Variants in IFT80 observed in about 807,000 individuals in gnomAD.
IFT80 encodes intraflagellar transport 80, also known as intraflagellar transport protein 80 homolog.
Under a neutral mutation model 107.9 loss-of-function variants are expected in IFT80, and 79 were observed. That is an observed-to-expected ratio of 0.73 (90% CI 0.61 to 0.88). The LOEUF is 0.88. Ranked by LOEUF, IFT80 falls within the 40% of genes least tolerant of loss-of-function variation. The pLI is 0.00. For missense variants in IFT80, 797 were observed against 914.2 expected, an observed-to-expected ratio of 0.87 and a Z score of 1.65; for synonymous variants, 299 against 300.9, an observed-to-expected ratio of 0.99 and a Z score of 0.07.
At chr3:160,313,500 C>T (rs1328588422) in intron 9 of IFT80, among the ~76,000 whole-genome samples, 1 of 151,890 alleles carries the variant, frequency 6.6e-6, no homozygotes, top group Non-Finnish European at 1.5e-5. Flanking sequence ...TTGAACCAAA[C>T]CAGAATAAAG....
At chr3:160,371,615 G>C (rs1206950347) in intron 5 of IFT80, among the ~76,000 whole-genome samples, 1 of 151,970 alleles carries the variant, frequency 6.6e-6, no homozygotes, top group Non-Finnish European at 1.5e-5. Context: ...GCTAACTTTT[G>C]TATTTTTTGT....
intron 12 of IFT80, among the ~76,000 whole-genome samples, chr3:160,300,254 G>C (rs1221062748): frequency 6.6e-6 from 1 of 152,000 alleles, no homozygotes; most frequent in Non-Finnish European, 1.5e-5. Context: ...TGAACTTCTA[G>C]ACAAGTAGTT....
chr3:160,332,383 T>C (rs1719151789), intron 8 of IFT80, among the ~76,000 whole-genome samples: 1 of 152,054 alleles, frequency 6.6e-6, no homozygotes, highest in African/African-American at 2.4e-5. Context: ...GGTGGAGGCT[T>C]TTATTGGTGT....
chr3:160,372,311 C>T (rs1711588869), intron 5 of IFT80, among the ~76,000 whole-genome samples: 1 of 152,180 alleles, frequency 6.6e-6, no homozygotes, highest in African/African-American at 2.4e-5. Flanking sequence ...CTTGCACCCC[C>T]AGCTGCCTTG....
At chr3:160,261,820 G>A (rs1271243046) in intron 19 of IFT80, among the ~76,000 whole-genome samples, 2 of 150,572 alleles carry the variant, frequency 1.3e-5, no homozygotes, top group Non-Finnish European at 3.0e-5. Context: ...AAAAAAAAAG[G>A]GGGACCTGAA....
intron 8 of IFT80, among the ~76,000 whole-genome samples, chr3:160,353,584 C>T (rs1377868877): frequency 6.6e-6 from 1 of 152,158 alleles, no homozygotes; most frequent in Non-Finnish European, 1.5e-5. Flanking sequence ...TTTCTTTTGC[C>T]TGTAACTCTC....
At chr3:160,354,506 A>C (rs895636739) in intron 8 of IFT80, among the ~76,000 whole-genome samples, 11 of 152,004 alleles carry the variant, frequency 7.2e-5, no homozygotes, top group Non-Finnish European at 1.6e-4. Context: ...CAAAAAAACT[A>C]GCCGGGCGTG....
intron 15 of IFT80, 88 bp downstream of exon 15, chr3:160,280,579 T>G (rs1477912031): frequency 8.9e-7 from 1 of 1,123,876 alleles, no homozygotes; most frequent in East Asian, 2.4e-5. Flanking sequence ...GTAAAACACC[T>G]TGCAGGATTG....
At chr3:160,374,578 G>T (rs569389042) in intron 5 of IFT80, among the ~76,000 whole-genome samples, 143 of 152,282 alleles carry the variant, frequency 9.4e-4, no homozygotes, top group Non-Finnish European at 1.6e-3. Flanking sequence ...GCTGCACACT[G>T]TCTCAGTAGT....
rs568439807 is a variant in IFT80 at position 160,384,907 on chromosome 3, T to C, written c.-46-261A>G. Among the ~76,000 whole-genome samples, 9 of 152,302 alleles carry C rather than the reference T, an allele frequency of 5.9e-5. No individual in the cohort carries two copies. In the East Asian group the frequency reaches 1.7e-3, roughly 29 times the overall value. On this transcript the variant is annotated intron_variant, in intron 1 of 19. Coordinates refer to ENST00000326448, the MANE Select transcript of IFT80 (RefSeq NM_020800.3). The stretch of plus-strand genomic sequence containing the variant: ...GCAGAACACCACTAGGTAAATCTGG[T>C]CAGGTAAAGAATTTCCATGTCCTGA...
chr3:160,263,260 A>AT (rs1189274606), intron 19 of IFT80, among the ~76,000 whole-genome samples: 1 of 152,044 alleles, frequency 6.6e-6, no homozygotes, highest in Non-Finnish European at 1.5e-5. Flanking sequence ...TACTTCTAAA[A>AT]TTTTTCTTAA....
Position 160,342,132 on chromosome 3 carries a change from C to G in IFT80, c.777+13881G>C, listed in dbSNP as rs146217910. 1.9e-4 allele frequency among the ~76,000 whole-genome samples: 29 copies of G among 152,178 alleles called. No individual in the cohort carries two copies. The East Asian group carries it at 4.6e-3, about 24-fold the overall frequency. On this transcript the variant is annotated intron_variant, in intron 8 of 19. Transcript: ENST00000326448. The stretch of plus-strand genomic sequence containing the variant: ...GGAAGCAAGCAGGATGTCCGATGCC[C>G]ATGGAAAAGGTATCATAGAATCGTG...
At chr3:160,285,984 G>A (rs1715059836) in intron 12 of IFT80, 116 bp from the exon 13 acceptor site, 1 of 660,268 alleles carries the variant, frequency 1.5e-6, no homozygotes, top group African/African-American at 1.8e-5. Context: ...ACCACAGAGA[G>A]AGCAGCAGCA....
intron 12 of IFT80, among the ~76,000 whole-genome samples, chr3:160,289,505 T>C (rs538796838): frequency 3.3e-4 from 50 of 152,124 alleles, no homozygotes; most frequent in African/African-American, 1.2e-3. Context: ...AAGCAAACGC[T>C]GATGGGGGTA....
intron 12 of IFT80, among the ~76,000 whole-genome samples, chr3:160,289,916 A>C (rs929885183): frequency 1.3e-5 from 2 of 152,078 alleles, no homozygotes; most frequent in African/African-American, 2.4e-5. Flanking sequence ...TTGGTCCAAA[A>C]CCCCCTGGTG....
intron 10 of IFT80, among the ~76,000 whole-genome samples, chr3:160,305,541 A>C (rs1189074976): frequency 6.6e-6 from 1 of 152,170 alleles, no homozygotes; most frequent in Non-Finnish European, 1.5e-5. Context: ...TGATTATGTG[A>C]GGGTTTAATA....
At chr3:160,333,012 T>C (rs1260366525) in intron 8 of IFT80, among the ~76,000 whole-genome samples, 2 of 152,168 alleles carry the variant, frequency 1.3e-5, no homozygotes, top group Non-Finnish European at 2.9e-5. Context: ...ATATAGATAA[T>C]ATAGCATCTA....
intron 16 of IFT80, among the ~76,000 whole-genome samples, chr3:160,278,053 A>C (rs1033178608): frequency 2.6e-5 from 4 of 152,216 alleles, no homozygotes; most frequent in African/African-American, 9.6e-5. Flanking sequence ...TATACCAGTT[A>C]AGAAGAAATT....
rs1281270349 is a variant in IFT80, at chr3:160,268,512, G to A, written c.2124C>T (p.Tyr708=). 1 of 1,613,196 alleles carries A rather than the reference G, an allele frequency of 6.2e-7. No homozygotes were observed. The highest frequency in any genetic ancestry group is 8.5e-7 in the Non-Finnish European group (1 of 1,179,396). The change falls in exon 19 of 20, where the codon TAC becomes TAT. Residue 708 remains tyrosine (Y), a synonymous_variant. Coordinates refer to ENST00000326448, the MANE Select transcript of IFT80 (RefSeq NM_020800.3). ...WERALELAVK[Y]KTHVDTVLAY... ...CAAGAACTGTATCAACATGTGTTTTGTATTTTACAGCCAATTCCAGTGCCC... is the reference window on the plus strand; with the variant it reads ...CAAGAACTGTATCAACATGTGTTTTATATTTTACAGCCAATTCCAGTGCCC...
Sources: allele counts gnomAD v4.1 joint callset (sites outside exome capture counted in the v4.1 genomes callset), GRCh38; gene constraint gnomAD v4.1.1; transcripts MANE v1.5; gene names NCBI Gene and HGNC (gene_info 2026-07-23, HGNC 2026-07-21).